Variants in SYT2 observed in about 807,000 individuals in gnomAD.
The protein encoded by SYT2 is synaptotagmin 2.
In SYT2, 15 loss-of-function variants were observed where a neutral mutation model predicts 39.9. The observed-to-expected ratio is 0.38, with a 90% CI of 0.25 to 0.58. The LOEUF (loss-of-function observed/expected upper bound fraction) is 0.58, where lower values mean the gene tolerates loss of function less well. Ranked by LOEUF, SYT2 falls within the 20% of genes least tolerant of loss-of-function variation. The pLI, the probability that SYT2 is intolerant of heterozygous loss-of-function variation, is 0.70. For synonymous variants in SYT2, 181 were observed against 204.5 expected, an observed-to-expected ratio of 0.89 and a Z score of 0.98; for missense variants, 389 against 530.3, an observed-to-expected ratio of 0.73 and a Z score of 2.62.
At chr1:202,636,050 A>G (rs1358888573) in intron 1 of SYT2, among the ~76,000 whole-genome samples, 1 of 152,084 alleles carries the variant, frequency 6.6e-6, no homozygotes, top group Non-Finnish European at 1.5e-5. Context: ...TTGACAACCC[A>G]GGGAAGGCAT....
At chr1:202,684,631 G>A (rs1653613338) in intron 1 of SYT2, among the ~76,000 whole-genome samples, 1 of 152,180 alleles carries the variant, frequency 6.6e-6, no homozygotes, top group South Asian at 2.1e-4. Flanking sequence ...TGAAAAGGGA[G>A]CATGTGTAGA....
chr1:202,673,654 C>T (rs187872545), intron 1 of SYT2, among the ~76,000 whole-genome samples: 76 of 152,308 alleles, frequency 5.0e-4, no homozygotes, highest in African/African-American at 1.4e-3. Flanking sequence ...AAGACTTGCC[C>T]GCACACCCAG....
chr1:202,611,899 A>G (rs1171151879), intron 1 of SYT2, among the ~76,000 whole-genome samples: 3 of 151,758 alleles, frequency 2.0e-5, no homozygotes, highest in African/African-American at 7.3e-5. Flanking sequence ...TACCCAGGCT[A>G]AAGTGCAGTG....
chr1:202,597,743 G>A (rs1379297013), intron 8 of SYT2, among the ~76,000 whole-genome samples: 3 of 152,174 alleles, frequency 2.0e-5, no homozygotes, highest in African/African-American at 7.2e-5. Flanking sequence ...GGGCCTAATG[G>A]CAGGGAAGAG....
chr1:202,616,823 A>AC (rs1691052910), intron 1 of SYT2, among the ~76,000 whole-genome samples: 1 of 152,046 alleles, frequency 6.6e-6, no homozygotes, highest in Non-Finnish European at 1.5e-5. Flanking sequence ...TTCCTTCTGC[A>AC]CCCAGGCATC....
At position 202,598,198 on chromosome 1, in the gene SYT2, G is replaced by A. The variant is rs141043779; in HGVS notation, c.1053+1020C>T. ...AAGGAAATAGTCAGTCTAAGGTGAC[G>A]CCCAGGTTTCTGACTTGGGCCACTG... On this transcript the variant is annotated intron_variant, in intron 8 of 8. Transcript: ENST00000367268. Among the ~76,000 whole-genome samples, 129 of 152,304 alleles carry A rather than the reference G, an allele frequency of 8.5e-4. 1 individual carries two copies. In the South Asian group the frequency reaches 0.011, roughly 13 times the overall value.
chr1:202,662,426 G>A (rs1024601695), intron 1 of SYT2, among the ~76,000 whole-genome samples: 1 of 152,272 alleles, frequency 6.6e-6, no homozygotes, highest in African/African-American at 2.4e-5. Flanking sequence ...GCAGCATCTG[G>A]AAGACAGCAC....
At chr1:202,667,022 T>C (rs932828794) in intron 1 of SYT2, among the ~76,000 whole-genome samples, 4 of 152,040 alleles carry the variant, frequency 2.6e-5, no homozygotes, top group Admixed American at 6.6e-5. Flanking sequence ...ACCCAAAAGA[T>C]TGTCATTATG....
chr1:202,698,059 CG>C (rs548769430), intron 1 of SYT2, among the ~76,000 whole-genome samples: 234 of 152,012 alleles, frequency 1.5e-3, no homozygotes, highest in African/African-American at 4.7e-3. Flanking sequence ...ATCAGGGATC[CG>C]GTTCCTGCGT....
At position 202,604,462 on chromosome 1, in the gene SYT2, C is replaced by T; in HGVS notation, c.338G>A (p.Gly113Glu). Residue 113 changes from glycine (G) to glutamate (E), a missense_variant, in exon 3 of 9, where the codon GGG becomes GAG. By Grantham distance (98) the Gly-to-Glu change is moderately conservative. This residue lies in a region of SYT2 where 280 missense variants were observed against 335.6 expected (regional missense o/e 0.83). Transcript: ENST00000367268. ...ACAACCAATGTGCCCTACCTGACCC[C>T]CTTTCATGTCCTTCATGTTCATGGC... ...KNAMNMKDMK[G>E]GQDDDDAETG... 1 of 1,614,154 alleles carries T rather than the reference C, an allele frequency of 6.2e-7. No individual in the cohort carries two copies. Among genetic ancestry groups the T allele is most frequent in the Admixed American group, 1.7e-5 (1 of 60,026 alleles).
intron 1 of SYT2, among the ~76,000 whole-genome samples, chr1:202,625,768 G>A (rs561578926): frequency 2.6e-4 from 40 of 152,136 alleles, no homozygotes; most frequent in Admixed American, 1.6e-3. Context: ...GTGGGAGGCC[G>A]GAGGCAGAAG....
chr1:202,627,410 A>G, intron 1 of SYT2: 2 of 983,510 alleles, frequency 2.0e-6, no homozygotes, highest in Non-Finnish European at 1.2e-6. Flanking sequence ...CGTCCCATCA[A>G]GCTCCCTGCT....
chr1:202,627,619 T>C (rs1326353692), intron 1 of SYT2: 2 of 985,078 alleles, frequency 2.0e-6, no homozygotes, highest in Admixed American at 6.2e-5. Flanking sequence ...TGGAGAGTAA[T>C]GCGCAAAGGA....
intron 1 of SYT2, among the ~76,000 whole-genome samples, chr1:202,648,732 C>A (rs556495084): frequency 8.7e-4 from 132 of 152,314 alleles, no homozygotes; most frequent in Middle Eastern, 3.4e-3. Context: ...ACTGTGTTCA[C>A]AGTCAGGCTC....
At chr1:202,682,195 C>G (rs1653543193) in intron 1 of SYT2, among the ~76,000 whole-genome samples, 3 of 152,206 alleles carry the variant, frequency 2.0e-5, no homozygotes, top group African/African-American at 7.2e-5. Flanking sequence ...GGGAGCCAGG[C>G]ACACGGGGGT....
rs1422171458 is a variant in SYT2, at chr1:202,650,312, G to A, written c.-17-44523C>T. 2.0e-5 allele frequency among the ~76,000 whole-genome samples: 3 copies of A among 152,320 alleles called. No homozygotes were observed. In the East Asian group the frequency reaches 5.8e-4, roughly 29 times the overall value. The stretch of plus-strand genomic sequence containing the variant: ...GGACCCCAGAAAGGGTCATGTGCTT[G>A]CACGCAGTGACACTTCCATTGCCAC... On this transcript the variant is annotated intron_variant, in intron 1 of 8. Transcript: ENST00000367268.
chr1:202,613,097 T>TTCC (rs1553336345), intron 1 of SYT2, among the ~76,000 whole-genome samples: 1 of 123,056 alleles, frequency 8.1e-6, no homozygotes, highest in Non-Finnish European at 1.6e-5. Context: ...TTTTTTTTTT[T>TTCC]CCAGACAGAG....
intron 1 of SYT2, chr1:202,639,432 C>A: frequency 2.2e-6 from 2 of 913,432 alleles, no homozygotes; most frequent in Non-Finnish European, 2.6e-6. Context: ...GGGCTTGGAG[C>A]TCCCCCTAAG....
intron 1 of SYT2, among the ~76,000 whole-genome samples, chr1:202,661,673 G>A (rs907626945): frequency 6.6e-6 from 1 of 152,078 alleles, no homozygotes; most frequent in Non-Finnish European, 1.5e-5. Flanking sequence ...TGCTCCAAGG[G>A]GGCAGGTGTT....
Sources: gnomAD v4.1 joint callset for allele counts (sites outside exome capture counted in the v4.1 genomes callset) on GRCh38, gnomAD v4.1.1 for gene constraint, gnomAD v4.1.1 regional missense constraint, MANE v1.5 for transcripts, NCBI Gene and HGNC (gene_info 2026-07-23, HGNC 2026-07-21) for gene names.